The following EXT1 variants were observed in gnomAD, a reference collection of about 807,000 sequenced individuals.
EXT1 encodes exostosin-1.
A neutral mutation model predicts 82.5 loss-of-function variants in EXT1; 20 were observed. The observed-to-expected ratio is 0.24, with a 90% CI of 0.17 to 0.35. EXT1 has a LOEUF of 0.35. Among genes scored for constraint, EXT1 ranks in the 10% least tolerant of loss-of-function variants. EXT1 has a pLI of 1.00. For missense variants in EXT1, 757 were observed against 936.5 expected (o/e 0.81, Z 2.50); for synonymous variants, 348 against 350.8 (o/e 0.99, Z 0.09).
At chr8:118,107,524 T>C (rs1441539235) in intron 1 of EXT1, among the ~76,000 whole-genome samples, 1 of 152,134 alleles carries the variant, frequency 6.6e-6, no homozygotes, top group Non-Finnish European at 1.5e-5. Context: ...CCCAAAACGC[T>C]AGAGAGACTG....
At chr8:118,041,330 T>G (rs1816522823) in intron 1 of EXT1, among the ~76,000 whole-genome samples, 1 of 152,190 alleles carries the variant, frequency 6.6e-6, no homozygotes, top group East Asian at 1.9e-4. Context: ...CCAGTATGAC[T>G]TGGTCAAATT....
At chr8:117,859,955 T>C (rs570148220) in intron 1 of EXT1, among the ~76,000 whole-genome samples, 1 of 152,144 alleles carries the variant, frequency 6.6e-6, no homozygotes, top group East Asian at 1.9e-4. Flanking sequence ...GGGAACAGCC[T>C]GGCCCACATG....
intron 1 of EXT1, among the ~76,000 whole-genome samples, chr8:118,006,736 G>A (rs1424677849): frequency 6.6e-6 from 1 of 152,064 alleles, no homozygotes; most frequent in African/African-American, 2.4e-5. Context: ...GTTGCTTTAG[G>A]AAGAAAAGAG....
chr8:117,993,247 G>A (rs957706000), intron 1 of EXT1, among the ~76,000 whole-genome samples: 2 of 152,064 alleles, frequency 1.3e-5, no homozygotes, highest in Admixed American at 6.6e-5. Flanking sequence ...AAAAAAAAAG[G>A]AGAAATATGT....
chr8:118,080,852 T>C (rs913179184), intron 1 of EXT1, among the ~76,000 whole-genome samples: 2 of 152,168 alleles, frequency 1.3e-5, no homozygotes, highest in African/African-American at 4.8e-5. Context: ...TCATAAAATG[T>C]GGTTCCCATT....
At chr8:118,003,773 G>T (rs888955509) in intron 1 of EXT1, among the ~76,000 whole-genome samples, 1 of 151,996 alleles carries the variant, frequency 6.6e-6, no homozygotes, top group Non-Finnish European at 1.5e-5. Flanking sequence ...TTCTTTTTAA[G>T]CCCAGAGAAA....
chr8:117,807,403 A>G, intron 8 of EXT1, 26 bp from the exon 9 acceptor site: 1 of 1,614,042 alleles, frequency 6.2e-7, no homozygotes, highest in South Asian at 1.1e-5. Context: ...AAGCCAAACA[A>G]GCAATCAACA....
intron 1 of EXT1, among the ~76,000 whole-genome samples, chr8:118,006,170 A>C (rs910899173): frequency 6.6e-6 from 1 of 152,226 alleles, no homozygotes; most frequent in Non-Finnish European, 1.5e-5. Context: ...CCATGGTCCC[A>C]GACCAGTCAG....
At chr8:117,907,179 T>C (rs1239682844) in intron 1 of EXT1, among the ~76,000 whole-genome samples, 1 of 152,246 alleles carries the variant, frequency 6.6e-6, no homozygotes, top group African/African-American at 2.4e-5. Context: ...TCTACTAATA[T>C]CCTGATTATT....
chr8:118,104,622 T>C (rs534004082), intron 1 of EXT1, among the ~76,000 whole-genome samples: 2 of 152,336 alleles, frequency 1.3e-5, no homozygotes, highest in Non-Finnish European at 2.9e-5. Flanking sequence ...ATGCTTGAAA[T>C]GCTTGAGACC....
At position 117,982,843 on chromosome 8, in the gene EXT1, T is replaced by C. The variant is rs138916471; in HGVS notation, c.962+127242A>G. On this transcript the variant is annotated intron_variant, in intron 1 of 10. Transcript: ENST00000378204. ...ATTTTCAGAGCAGCACCTACATTAA[T>C]GTTAGTTTAGATAAACAGATGTAAA... is the stretch of plus-strand genomic sequence containing the variant. 2.7e-3 allele frequency among the ~76,000 whole-genome samples: 408 copies of C among 152,292 alleles called. 3 individuals carry two copies. Among genetic ancestry groups the C allele is most frequent in the Middle Eastern group, 0.01 (3 of 294 alleles).
intron 4 of EXT1, among the ~76,000 whole-genome samples, chr8:117,824,368 A>G (rs780860031): frequency 2.0e-5 from 3 of 152,192 alleles, no homozygotes; most frequent in Non-Finnish European, 4.4e-5. Flanking sequence ...AGATATGATA[A>G]TAAGATATAG....
chr8:118,072,001 T>G (rs1005403029), intron 1 of EXT1, among the ~76,000 whole-genome samples: 1 of 152,104 alleles, frequency 6.6e-6, no homozygotes, highest in Non-Finnish European at 1.5e-5. Context: ...CTAGGTTCAC[T>G]TCCCAGAATG....
intron 1 of EXT1, among the ~76,000 whole-genome samples, chr8:118,035,326 G>GAAGCCACCGGAAGCCACTGTGCTTTCCA (rs1816399851): frequency 1.3e-5 from 2 of 152,078 alleles, no homozygotes; most frequent in African/African-American, 2.4e-5. Flanking sequence ...ACCAAGGTCT[G>GAAGCCACCGGAAGCCACTGTGCTTTCCA]AAGCCACCGG....
intron 1 of EXT1, among the ~76,000 whole-genome samples, chr8:117,982,844 G>A (rs1815236976): frequency 6.6e-6 from 1 of 152,090 alleles, no homozygotes; most frequent in Admixed American, 6.5e-5. Flanking sequence ...CTACATTAAT[G>A]TTAGTTTAGA....
chr8:117,957,221 A>G (rs1445910753), intron 1 of EXT1, among the ~76,000 whole-genome samples: 1 of 152,238 alleles, frequency 6.6e-6, no homozygotes. Flanking sequence ...GTGTTTTAAG[A>G]GTTTTTTACA....
chr8:117,936,746 G>A (rs1380779371), intron 1 of EXT1, among the ~76,000 whole-genome samples: 1 of 152,060 alleles, frequency 6.6e-6, no homozygotes, highest in Non-Finnish European at 1.5e-5. Flanking sequence ...GTGGTGGCAC[G>A]CACCTGTAAT....
chr8:118,014,235 C>T (rs1337584600), intron 1 of EXT1, among the ~76,000 whole-genome samples: 1 of 152,100 alleles, frequency 6.6e-6, no homozygotes, highest in Non-Finnish European at 1.5e-5. Flanking sequence ...AATATGTTTT[C>T]TGATAAGAAT....
intron 1 of EXT1, among the ~76,000 whole-genome samples, chr8:117,977,635 G>A (rs1016361464): frequency 5.3e-5 from 8 of 152,128 alleles, no homozygotes; most frequent in Non-Finnish European, 7.3e-5. Flanking sequence ...ATAGACACTA[G>A]ACAGGGCAAA....
Sources: gnomAD v4.1 joint callset for allele counts (sites outside exome capture counted in the v4.1 genomes callset) on GRCh38, gnomAD v4.1.1 for gene constraint, MANE v1.5 for transcripts, NCBI Gene and HGNC (gene_info 2026-07-23, HGNC 2026-07-21) for gene names.